Variants in ZC3H3 observed in about 807,000 individuals in gnomAD.
ZC3H3 encodes zinc finger CCCH-type containing 3, also known as zinc finger CCCH domain-containing protein 3.
A neutral mutation model predicts 77.3 loss-of-function variants in ZC3H3; 36 were observed. The observed-to-expected ratio is 0.47, with a 90% CI of 0.36 to 0.61. The LOEUF (loss-of-function observed/expected upper bound fraction) is 0.61. ZC3H3 is among the 20% of genes least tolerant of loss of function. ZC3H3 has a pLI of 0.00. For synonymous variants in ZC3H3, 626 were observed against 555.2 expected (o/e 1.13, Z -1.79); for missense variants, 1,331 against 1,312.2 (o/e 1.01, Z -0.22).
chr8:143,439,672 C>T (rs1819675315), intron 11 of ZC3H3, among the ~76,000 whole-genome samples: 1 of 152,246 alleles, frequency 6.6e-6, no homozygotes, highest in Admixed American at 6.5e-5. Flanking sequence ...GCCACCGCTA[C>T]ACTCGCACCT....
chr8:143,516,430 T>C (rs552348844), intron 3 of ZC3H3, among the ~76,000 whole-genome samples: 22 of 151,914 alleles, frequency 1.4e-4, no homozygotes, highest in Non-Finnish European at 2.6e-4. Flanking sequence ...AGCAGAGACC[T>C]GCTCGCTGCC....
At chr8:143,465,203 G>A (rs933604411) in intron 9 of ZC3H3, among the ~76,000 whole-genome samples, 14 of 152,218 alleles carry the variant, frequency 9.2e-5, no homozygotes, top group African/African-American at 3.4e-4. Flanking sequence ...TCCAGCGCCA[G>A]CTCACTCCAC....
chr8:143,500,483 A>G (rs1357479639), intron 4 of ZC3H3, among the ~76,000 whole-genome samples: 1 of 152,210 alleles, frequency 6.6e-6, no homozygotes, highest in African/African-American at 2.4e-5. Flanking sequence ...TCTGGCTCTC[A>G]CCAGATGCAG....
intron 4 of ZC3H3, among the ~76,000 whole-genome samples, chr8:143,485,938 G>C (rs1274418935): frequency 6.6e-6 from 1 of 152,260 alleles, no homozygotes; most frequent in Non-Finnish European, 1.5e-5. Flanking sequence ...ACGGGCCTGA[G>C]AATCCTGGCC....
chr8:143,467,364 T>C (rs1820438613), intron 8 of ZC3H3, among the ~76,000 whole-genome samples: 1 of 152,154 alleles, frequency 6.6e-6, no homozygotes, highest in Admixed American at 6.5e-5. Flanking sequence ...GTGCGGGGCG[T>C]CCACATTAGA....
intron 4 of ZC3H3, among the ~76,000 whole-genome samples, chr8:143,503,125 G>A (rs897571021): frequency 3.3e-5 from 5 of 152,186 alleles, no homozygotes; most frequent in Admixed American, 6.5e-5. Context: ...CCAGCACACC[G>A]CCAGCATGCC....
At chr8:143,497,925 C>G (rs1478289246) in intron 4 of ZC3H3, among the ~76,000 whole-genome samples, 1 of 152,200 alleles carries the variant, frequency 6.6e-6, no homozygotes, top group South Asian at 2.1e-4. Context: ...CCAAGAGAGT[C>G]CCCTCTCTGC....
chr8:143,532,887 G>A (rs1408801273), intron 3 of ZC3H3, among the ~76,000 whole-genome samples: 1 of 152,180 alleles, frequency 6.6e-6, no homozygotes, highest in East Asian at 1.9e-4. Context: ...CACGGTGGCT[G>A]TCTCTGGGGT....
At chr8:143,452,356 A>G (rs1375821258) in intron 9 of ZC3H3, among the ~76,000 whole-genome samples, 3 of 152,162 alleles carry the variant, frequency 2.0e-5, no homozygotes, top group Non-Finnish European at 4.4e-5. Context: ...CACAGTGTCA[A>G]TGAGGCCAAG....
intron 1 of ZC3H3, 119 bp downstream of exon 1, chr8:143,541,257 C>T: frequency 6.5e-7 from 1 of 1,545,026 alleles, no homozygotes; most frequent in Non-Finnish European, 8.7e-7. Flanking sequence ...CGTCCCCCAC[C>T]CCAGCCGCCA....
intron 9 of ZC3H3, among the ~76,000 whole-genome samples, chr8:143,455,547 G>C (rs1820095545): frequency 6.6e-6 from 1 of 152,014 alleles, no homozygotes; most frequent in Non-Finnish European, 1.5e-5. Flanking sequence ...AGGTTGCTGA[G>C]ATCTACAGTA....
intron 4 of ZC3H3, among the ~76,000 whole-genome samples, chr8:143,478,480 C>T (rs1171566805): frequency 2.6e-5 from 4 of 152,336 alleles, no homozygotes; most frequent in South Asian, 4.1e-4. Flanking sequence ...CCTGGCTGGG[C>T]ACTACAGCAG....
intron 9 of ZC3H3, among the ~76,000 whole-genome samples, chr8:143,450,429 C>A (rs916003179): frequency 1.5e-4 from 23 of 152,336 alleles, no homozygotes; most frequent in Middle Eastern, 3.4e-3. Context: ...GATCCACCCA[C>A]CTCGGCCTTC....
chr8:143,449,933 G>A (rs894507112), intron 9 of ZC3H3, among the ~76,000 whole-genome samples: 5 of 152,112 alleles, frequency 3.3e-5, no homozygotes, highest in African/African-American at 1.2e-4. Context: ...TCCTCAGCCT[G>A]GACTTCACTG....
intron 3 of ZC3H3, among the ~76,000 whole-genome samples, chr8:143,528,138 C>T (rs904051978): frequency 3.9e-5 from 6 of 152,224 alleles, no homozygotes; most frequent in Non-Finnish European, 7.3e-5. Flanking sequence ...TGCCAAGACA[C>T]AGCAAGCCCA....
rs1820225563 is a variant in ZC3H3 at position 143,460,250 on chromosome 8, AAAT to A, written c.2307+5464_2307+5466del. ...GCGACAGAGTGAGACTATGTCTCAA[AAAT>A]AAATAAATAAATAAATAAATAAATA... On this transcript the variant is annotated intron_variant, in intron 9 of 11. Transcript: ENST00000262577. The surrounding 1 kb of genome is among the most constrained non-coding windows in gnomAD (Gnocchi z 4.0). Among the ~76,000 whole-genome samples, 1 of 54,928 alleles carries A rather than the reference AAAT, an allele frequency of 1.8e-5. No homozygotes were observed. Among genetic ancestry groups the A allele is most frequent in the Non-Finnish European group, 4.5e-5 (1 of 22,276 alleles). 36.0% of individuals were successfully genotyped at this position (54,928 alleles called of 152,430 possible).
At position 143,440,994 on chromosome 8, in the gene ZC3H3, C is replaced by CG; in HGVS notation, c.2433dup (p.Ala812ArgfsTer120). The CG allele has an allele frequency of 6.8e-7, 1 of 1,469,196 alleles. No homozygotes were observed. Among genetic ancestry groups the CG allele is most frequent in the South Asian group, 1.4e-5 (1 of 69,770 alleles). 91.0% of individuals were successfully genotyped at this position (1,469,196 alleles called of 1,614,324 possible). The stretch of plus-strand genomic sequence containing the variant: ...GCGGTTGCGTCGCTGGGCCCTGGGG[C>CG]GGGGGACGTGGCTGCCCGCCGACTG... On this transcript the variant is annotated frameshift_variant, in exon 10 of 12. Transcript: ENST00000262577. LOFTEE classifies it high-confidence loss of function.
intron 9 of ZC3H3, among the ~76,000 whole-genome samples, chr8:143,459,272 G>T (rs1003820149): frequency 3.3e-5 from 5 of 152,226 alleles, no homozygotes; most frequent in Admixed American, 2.6e-4. Context: ...CAAGGGCCAG[G>T]TGCAATGGCT....
chr8:143,474,576 T>C (rs1332872444), intron 5 of ZC3H3, among the ~76,000 whole-genome samples: 1 of 152,182 alleles, frequency 6.6e-6, no homozygotes, highest in Non-Finnish European at 1.5e-5. Flanking sequence ...GTACGCTTCC[T>C]GCCTCTCCTC....
Sources: allele counts gnomAD v4.1 joint callset (sites outside exome capture counted in the v4.1 genomes callset), GRCh38; gene constraint gnomAD v4.1.1; non-coding constraint Gnocchi (gnomAD v3.1); transcripts MANE v1.5; gene names NCBI Gene and HGNC (gene_info 2026-07-23, HGNC 2026-07-21).